The following HSPD1 variants were observed in gnomAD, a reference collection of about 807,000 sequenced individuals.
HSPD1 encodes 60 kDa heat shock protein, mitochondrial.
HSPD1 carries 3 observed loss-of-function variants against 53.0 expected under a neutral mutation model. That is an observed-to-expected ratio of 0.06 (90% CI 0.03 to 0.15). HSPD1 has a LOEUF of 0.15. HSPD1 is among the 10% of genes least tolerant of loss of function. The pLI, the probability that HSPD1 is intolerant of heterozygous loss-of-function variation, is 1.00. For missense variants in HSPD1, 431 were observed against 694.1 expected (o/e 0.62, Z 4.26); for synonymous variants, 200 against 228.0 (o/e 0.88, Z 1.10).
Position 197,487,137 on chromosome 2 carries a change from A to G in HSPD1, c.1631T>C (p.Val544Ala), listed in dbSNP as rs749640265. 1.3e-6 allele frequency: 2 copies of G among 1,598,460 alleles called. No individual in the cohort carries two copies. Among genetic ancestry groups the G allele is most frequent in the East Asian group, 2.2e-5 (1 of 44,812 alleles). Residue 544 changes from valine (V) to alanine (A), a missense_variant, in exon 12 of 12, where the codon GTT (valine) becomes GCT (alanine). By Grantham distance (64) the Val-to-Ala change is moderately conservative (BLOSUM62 0). This residue lies in a region of HSPD1 where 386 missense variants were observed against 657.6 expected (regional missense o/e 0.59). Coordinates refer to ENST00000388968, the MANE Select transcript of HSPD1 (RefSeq NM_002156.5). ...GVASLLTTAE[V>A]VVTEIPKEEK... ...TTCTTTAGGAATTTCTGTGACTACA[A>G]CTTCTGCTGTAGTTAACAGAGAGGC...
At chr2:197,493,200 A>G (rs2086115685) in intron 7 of HSPD1, 124 bp downstream of exon 7, 6 of 851,272 alleles carry the variant, frequency 7.0e-6, no homozygotes, top group Admixed American at 1.8e-5. Context: ...CACAATTACA[A>G]TTCTAGATAC....
chr2:197,497,025 G>C (rs540611406), intron 3 of HSPD1, 115 bp downstream of exon 3: 2 of 1,057,372 alleles, frequency 1.9e-6, no homozygotes, highest in East Asian at 2.4e-5. Flanking sequence ...AGGCCAAGAG[G>C]AGGAATGAGA....
At chr2:197,487,530 T>TCAAAA (rs1248190842) in intron 11 of HSPD1, among the ~76,000 whole-genome samples, 10 of 152,158 alleles carry the variant, frequency 6.6e-5, no homozygotes, top group Non-Finnish European at 1.2e-4. Flanking sequence ...GACTCTGTCT[T>TCAAAA]CAAAACAAAA....
chr2:197,488,181 T>C (rs1229049030), intron 10 of HSPD1, 136 bp downstream of exon 10: 44 of 1,002,336 alleles, frequency 4.4e-5, no homozygotes, highest in Non-Finnish European at 6.8e-5. Context: ...GATGCATGTT[T>C]AGCTCTGACA....
At chr2:197,489,933 G>A (rs193192942) in intron 8 of HSPD1, among the ~76,000 whole-genome samples, 1 of 151,650 alleles carries the variant, frequency 6.6e-6, no homozygotes. Context: ...AGTCAAGACA[G>A]ATCAAGACAC....
Position 197,486,652 on chromosome 2 carries a change from A to C in HSPD1, c.*394T>G. The C allele has an allele frequency of 3.6e-6, 1 of 274,220 alleles. No homozygotes were observed. The highest frequency in any genetic ancestry group is 7.2e-6 in the Non-Finnish European group (1 of 139,434). The allele number at this position is 274,220 out of a possible 1,614,324, so 17.0% of individuals were successfully genotyped here. A position where few individuals can be genotyped will look rare whatever the true frequency, so the allele number is the denominator to read the frequency against. ...TTGGATACTTCTCTACTTTGTACAC[A>C]ATTATTCTCACTCTCCACAGAAAGG... On this transcript the variant is annotated 3_prime_UTR_variant, in exon 12 of 12. Coordinates refer to ENST00000388968, the MANE Select transcript of HSPD1 (RefSeq NM_002156.5).
Position 197,488,413 on chromosome 2 carries a change from C to T in HSPD1, c.1294G>A (p.Val432Ile), listed in dbSNP as rs184516277. 6.2e-6 allele frequency: 10 copies of T among 1,613,770 alleles called. No homozygotes were observed. In the East Asian group the frequency reaches 1.6e-4, roughly 25 times the overall value. Residue 432 changes from valine to isoleucine, a missense_variant, in exon 10 of 12, where the codon GTT becomes ATT. Around this residue, in one of 2 missense-constraint regions of HSPD1, gnomAD observed 386 missense variants for 657.6 expected, o/e 0.59. Transcript: ENST00000388968. ...CCTCCCAAAACAATGCCTTCTTCAA[C>T]AGCAGCTCTTGTAGCATTAAGGGCA... is the stretch of plus-strand genomic sequence containing the variant. ...TDALNATRAA[V>I]EEGIVLGGGC...
chr2:197,497,493 A>C, intron 2 of HSPD1, 101 bp from the exon 3 acceptor site: 30 of 1,207,542 alleles, frequency 2.5e-5, no homozygotes, highest in Non-Finnish European at 3.4e-5. Flanking sequence ...TCAAAGTCTC[A>C]ACGTAAGTTG....
At chr2:197,497,507 C>A in intron 2 of HSPD1, 115 bp from the exon 3 acceptor site, 1 of 1,063,378 alleles carries the variant, frequency 9.4e-7, no homozygotes, top group Non-Finnish European at 1.4e-6. Context: ...TAAGTTGTGT[C>A]ATTTTTATCA....
At chr2:197,496,774 T>G (rs2086162701) in intron 3 of HSPD1, 1 of 298,948 alleles carries the variant, frequency 3.3e-6, no homozygotes, top group Non-Finnish European at 6.5e-6. Context: ...TCTACAAAAC[T>G]AAACTAAAAA....
Position 197,494,764 on chromosome 2 carries a change from C to T in HSPD1, c.511-12G>A. 6.4e-7 allele frequency: 1 copy of T among 1,570,024 alleles called. No homozygotes were observed. The highest frequency in any genetic ancestry group is 1.1e-5 in the South Asian group (1 of 90,148). On this transcript the variant is annotated splice_polypyrimidine_tract_variant and intron_variant, in intron 4 of 11. Coordinates refer to ENST00000388968, the MANE Select transcript of HSPD1 (RefSeq NM_002156.5). The stretch of plus-strand genomic sequence containing the variant: ...GAAATCGTAGCAACCTGAAATAATC[C>T]AGTTACTCTTCGAAATTAAAAGGTA...
intron 11 of HSPD1, 86 bp downstream of exon 11, chr2:197,487,772 G>T: frequency 9.0e-7 from 1 of 1,113,406 alleles, no homozygotes; most frequent in Non-Finnish European, 1.4e-6. Flanking sequence ...CTATTTTTCT[G>T]GTGACAAAAT....
intron 1 of HSPD1, among the ~76,000 whole-genome samples, 154 bp downstream of exon 1, chr2:197,499,628 G>A (rs1046669955): frequency 2.8e-4 from 42 of 152,240 alleles, no homozygotes; most frequent in Non-Finnish European, 4.9e-4. Flanking sequence ...GCATGGACCC[G>A]CGAGGCCTGG....
chr2:197,498,873 C>A (rs369029701), intron 1 of HSPD1, 23 bp from the exon 2 acceptor site: 56 of 1,610,696 alleles, frequency 3.5e-5, no homozygotes, highest in Non-Finnish European at 4.5e-5. Context: ...GCAAAAAGAT[C>A]ATCAGAACTA....
chr2:197,486,855 G>A lies in HSPD1; in HGVS notation c.*191C>T, dbSNP rs944251028. On this transcript the variant is annotated 3_prime_UTR_variant, in exon 12 of 12. Transcript: ENST00000388968. ...AAAATACAAAATAAATTATCTGTAG[G>A]CATGGACAATGACAGCAGTAAACCA... is the stretch of plus-strand genomic sequence containing the variant. The A allele has an allele frequency of 6.8e-6, 4 of 591,744 alleles. No homozygotes were observed. Among genetic ancestry groups the A allele is most frequent in the Non-Finnish European group, 6.0e-6 (2 of 331,984 alleles). The allele number at this position is 591,744 out of a possible 1,614,324, so 36.7% of individuals were successfully genotyped here. A position where few individuals can be genotyped will look rare whatever the true frequency, so the allele number is the denominator to read the frequency against.
intron 1 of HSPD1, 185 bp from the exon 2 acceptor site, chr2:197,499,035 A>G: frequency 1.5e-6 from 1 of 662,688 alleles, no homozygotes; most frequent in Non-Finnish European, 2.7e-6. Flanking sequence ...CGCAAGCTAA[A>G]GAGGCCGCCC....
intron 1 of HSPD1, 38 bp from the exon 2 acceptor site, chr2:197,498,888 C>A: frequency 1.9e-6 from 3 of 1,582,746 alleles, no homozygotes; most frequent in Non-Finnish European, 2.6e-6. Context: ...GAACTACCAC[C>A]CGTGGTGCGC....
rs2086045991 is a variant in HSPD1 at position 197,487,907 on chromosome 2, G to A, written c.1520C>T (p.Ala507Val). ...TTCCACCATATTCACAAAATCTCCAGCCATAGCATCATAACCAACTTCTGA... is the reference window on the plus strand; with the variant it reads ...TTCCACCATATTCACAAAATCTCCAACCATAGCATCATAACCAACTTCTGA... Reference protein sequence around the residue: ...SSSEVGYDAMAGDFVNMVEKG... With the variant: ...SSSEVGYDAMVGDFVNMVEKG... Residue 507 changes from alanine to valine, a missense_variant, in exon 11 of 12, where the codon GCT becomes GTT. Transcript: ENST00000388968. 5 of 1,613,754 alleles carry A rather than the reference G, an allele frequency of 3.1e-6. No individual in the cohort carries two copies. The highest frequency in any genetic ancestry group is 4.2e-6 in the Non-Finnish European group (5 of 1,179,700).
At chr2:197,499,015 CAGCCACT>C (rs1229577150) in intron 1 of HSPD1, 165 bp from the exon 2 acceptor site, 2 of 713,748 alleles carry the variant, frequency 2.8e-6, no homozygotes, top group African/African-American at 3.5e-5. Flanking sequence ...TTCGGAACAT[CAGCCACT>C]AGCGCAAGCT....
Sources: allele counts gnomAD v4.1 joint callset (sites outside exome capture counted in the v4.1 genomes callset), GRCh38; gene constraint gnomAD v4.1.1; regional missense constraint gnomAD v4.1.1; transcripts MANE v1.5; gene names NCBI Gene and HGNC (gene_info 2026-07-23, HGNC 2026-07-21).